The following STAC variants were observed in gnomAD, a reference collection of about 807,000 sequenced individuals.
The protein encoded by STAC is SH3 and cysteine rich domain.
A neutral mutation model predicts 48.8 loss-of-function variants in STAC; 43 were observed. That is an observed-to-expected ratio of 0.88 (90% CI 0.69 to 1.14). The LOEUF is 1.14. Ranked by LOEUF, STAC falls within the 50% of genes most tolerant of loss-of-function variation. The pLI is 0.00. For synonymous variants in STAC, 193 were observed against 179.5 expected, an observed-to-expected ratio of 1.07 and a Z score of -0.60; for missense variants, 497 against 504.0, an observed-to-expected ratio of 0.99 and a Z score of 0.13.
chr3:36,385,700 T>C (rs561703803), intron 1 of STAC, among the ~76,000 whole-genome samples: 7 of 152,124 alleles, frequency 4.6e-5, no homozygotes, highest in Non-Finnish European at 8.8e-5. Context: ...GTATCCTCAC[T>C]CTAACAACAT....
At chr3:36,465,619 A>G (rs7623278) in intron 2 of STAC, among the ~76,000 whole-genome samples, 138,143 of 152,100 alleles carry the variant, frequency 0.91, 62,955 homozygotes, top group African/African-American at 0.98. Context: ...CAGAACTAAC[A>G]GTACTAAAGG....
At position 36,436,747 on chromosome 3, in the gene STAC, C is replaced by T. The variant is rs919979016; in HGVS notation, c.112-6617C>T. 2.2e-4 allele frequency among the ~76,000 whole-genome samples: 33 copies of T among 152,144 alleles called. 1 individual carries two copies. The highest frequency in any genetic ancestry group is 2.9e-5 in the Non-Finnish European group (2 of 68,022). Reference sequence around the variant, plus strand: ...TGATTATCTACCTATAATCTATCTCCACCCACTAGACCTTAAAATTGACAA... The same window carrying T: ...TGATTATCTACCTATAATCTATCTCTACCCACTAGACCTTAAAATTGACAA... On this transcript the variant is annotated intron_variant, in intron 1 of 10. Coordinates refer to ENST00000273183, the MANE Select transcript of STAC (RefSeq NM_003149.3).
At chr3:36,386,642 AG>A (rs1164778350) in intron 1 of STAC, among the ~76,000 whole-genome samples, 3 of 151,986 alleles carry the variant, frequency 2.0e-5, no homozygotes, top group Non-Finnish European at 4.4e-5. Flanking sequence ...GTGTGAGGTA[AG>A]GGTCAAGATT....
chr3:36,432,468 G>A (rs1256734574), intron 1 of STAC, among the ~76,000 whole-genome samples: 4 of 152,148 alleles, frequency 2.6e-5, no homozygotes, highest in African/African-American at 4.8e-5. Context: ...TCCGGAGGCC[G>A]AGGCAGGTGG....
At chr3:36,452,601 T>C (rs1696714222) in intron 2 of STAC, among the ~76,000 whole-genome samples, 1 of 152,192 alleles carries the variant, frequency 6.6e-6, no homozygotes, top group Admixed American at 6.5e-5. Flanking sequence ...ATTAGAAATA[T>C]GGTTATGATC....
chr3:36,530,087 T>C (rs923902595), intron 10 of STAC, among the ~76,000 whole-genome samples: 8 of 152,202 alleles, frequency 5.3e-5, no homozygotes, highest in Non-Finnish European at 7.3e-5. Flanking sequence ...GCCACTGCAC[T>C]CCAGCCTGGT....
At chr3:36,425,953 C>T (rs1464070830) in intron 1 of STAC, among the ~76,000 whole-genome samples, 1 of 152,056 alleles carries the variant, frequency 6.6e-6, no homozygotes, top group Non-Finnish European at 1.5e-5. Context: ...ATCACTGGAG[C>T]CCGGTGGGGC....
chr3:36,441,988 G>C (rs1043602942), intron 1 of STAC, among the ~76,000 whole-genome samples: 2 of 151,988 alleles, frequency 1.3e-5, no homozygotes, highest in African/African-American at 4.8e-5. Flanking sequence ...GTATATTCTA[G>C]ATATTAATCT....
At chr3:36,506,608 C>T (rs1218716663) in intron 8 of STAC, among the ~76,000 whole-genome samples, 1 of 152,108 alleles carries the variant, frequency 6.6e-6, no homozygotes, top group Non-Finnish European at 1.5e-5. Context: ...TTTCCTTGAG[C>T]ATTGGTTTGT....
At chr3:36,409,545 C>A (rs1323182902) in intron 1 of STAC, 1 of 152,166 alleles carries the variant, frequency 6.6e-6, no homozygotes, top group African/African-American at 2.4e-5. Flanking sequence ...CCCAGAAAAC[C>A]AAATGAACTC....
intron 10 of STAC, among the ~76,000 whole-genome samples, chr3:36,535,432 T>C (rs1699175349): frequency 6.6e-6 from 1 of 152,208 alleles, no homozygotes; most frequent in East Asian, 1.9e-4. Flanking sequence ...ACATTTTGAC[T>C]TCCTCTCTTC....
At chr3:36,505,668 C>A in intron 7 of STAC, 78 bp from the exon 8 acceptor site, 1 of 937,932 alleles carries the variant, frequency 1.1e-6, no homozygotes, top group Non-Finnish European at 1.6e-6. Context: ...ATGACTTCTC[C>A]ATTTCCTGTT....
At position 36,380,612 on chromosome 3, in the gene STAC, C is replaced by T. The variant is rs772964967; in HGVS notation, c.-32C>T. On this transcript the variant is annotated 5_prime_UTR_variant, in exon 1 of 11. Transcript: ENST00000273183. ...CAGGACAGAAGCCTCGCTGTTCCTCCGGGAGCCCAACACCGTTCCCGCGCG... is the reference window on the plus strand; with the variant it reads ...CAGGACAGAAGCCTCGCTGTTCCTCTGGGAGCCCAACACCGTTCCCGCGCG... The T allele has an allele frequency of 2.6e-6, 4 of 1,515,152 alleles. No individual in the cohort carries two copies. The highest frequency in any genetic ancestry group is 3.6e-6 in the Non-Finnish European group (4 of 1,112,004). The allele number at this position is 1,515,152 out of a possible 1,614,324, so 93.9% of individuals were successfully genotyped here. A position where few individuals can be genotyped will look rare whatever the true frequency, so the allele number is the denominator to read the frequency against.
At chr3:36,387,701 A>G (rs867281818) in intron 1 of STAC, among the ~76,000 whole-genome samples, 7 of 152,066 alleles carry the variant, frequency 4.6e-5, no homozygotes, top group African/African-American at 1.7e-4. Context: ...ATCCCATTGT[A>G]TATATATACT....
intron 7 of STAC, among the ~76,000 whole-genome samples, chr3:36,505,297 T>A (rs1190332070): frequency 6.6e-6 from 1 of 152,120 alleles, no homozygotes; most frequent in Non-Finnish European, 1.5e-5. Context: ...AATTGCCAGA[T>A]GAATATACCT....
At chr3:36,509,391 C>T (rs192926139) in intron 8 of STAC, among the ~76,000 whole-genome samples, 1 of 152,128 alleles carries the variant, frequency 6.6e-6, no homozygotes, top group East Asian at 1.9e-4. Flanking sequence ...TGGGGTTGCT[C>T]TTCTTGAGGA....
intron 6 of STAC, among the ~76,000 whole-genome samples, chr3:36,494,942 C>T (rs1698098131): frequency 1.3e-5 from 2 of 152,194 alleles, no homozygotes; most frequent in Non-Finnish European, 2.9e-5. Context: ...CATGATAATG[C>T]TTTAAGTGTG....
intron 2 of STAC, among the ~76,000 whole-genome samples, chr3:36,467,970 T>A (rs1697223690): frequency 6.6e-6 from 1 of 152,138 alleles, no homozygotes; most frequent in Non-Finnish European, 1.5e-5. Context: ...GACTTTTTGA[T>A]GTAGGTATTT....
intron 2 of STAC, among the ~76,000 whole-genome samples, chr3:36,451,733 C>T (rs998578431): frequency 9.2e-5 from 14 of 152,146 alleles, no homozygotes; most frequent in African/African-American, 2.9e-4. Context: ...TCACTTCAAA[C>T]ATTCATCATT....
Sources: allele counts gnomAD v4.1 joint callset (sites outside exome capture counted in the v4.1 genomes callset), GRCh38; gene constraint gnomAD v4.1.1; transcripts MANE v1.5; gene names NCBI Gene and HGNC (gene_info 2026-07-23, HGNC 2026-07-21).